The following CA6 variants were observed in gnomAD, a reference collection of about 807,000 sequenced individuals.
CA6 encodes the protein carbonic anhydrase 6.
CA6 carries 28 observed loss-of-function variants against 35.9 expected under a neutral mutation model. That is an observed-to-expected ratio of 0.78 (90% CI 0.58 to 1.07). The LOEUF (loss-of-function observed/expected upper bound fraction) is 1.07, where lower values mean the gene tolerates loss of function less well. CA6 is among the 50% of genes least tolerant of loss of function. The pLI is 0.00. For missense variants in CA6, 377 were observed against 382.0 expected (o/e 0.99, Z 0.11); for synonymous variants, 148 against 152.6 (o/e 0.97, Z 0.22).
intron 2 of CA6, among the ~76,000 whole-genome samples, chr1:8,950,979 C>A (rs1385909712): frequency 6.6e-6 from 1 of 152,032 alleles, no homozygotes; most frequent in Non-Finnish European, 1.5e-5. Flanking sequence ...ACTTTGGGAG[C>A]CCGAGGCAGG....
At chr1:8,961,129 C>A (rs994041035) in intron 4 of CA6, among the ~76,000 whole-genome samples, 2 of 151,946 alleles carry the variant, frequency 1.3e-5, no homozygotes, top group Admixed American at 6.6e-5. Flanking sequence ...GAAGGTGAAA[C>A]AACACATTCC....
intron 7 of CA6, among the ~76,000 whole-genome samples, chr1:8,973,706 C>CTCTCTCTCTT (rs1640166870): frequency 8.8e-6 from 1 of 113,432 alleles, no homozygotes; most frequent in Non-Finnish European, 1.8e-5. Context: ...ATTTTTCTTT[C>CTCTCTCTCTT]TCTCTCTTTC....
chr1:8,952,206 G>A (rs1639557578), intron 2 of CA6: 1 of 152,348 alleles, frequency 6.6e-6, no homozygotes, highest in South Asian at 2.1e-4. Context: ...GCATGATCTT[G>A]GCTCACTGCA....
At chr1:8,969,126 C>T (rs1190844429) in intron 6 of CA6, among the ~76,000 whole-genome samples, 1 of 152,046 alleles carries the variant, frequency 6.6e-6, no homozygotes, top group Admixed American at 6.6e-5. Flanking sequence ...CCAGCCTGGC[C>T]AACATGGTGA....
intron 6 of CA6, among the ~76,000 whole-genome samples, chr1:8,970,357 C>T (rs967269393): frequency 6.6e-6 from 1 of 151,988 alleles, no homozygotes; most frequent in Admixed American, 6.6e-5. Flanking sequence ...AGCTTGTGTG[C>T]AGATACCTGT....
intron 6 of CA6, among the ~76,000 whole-genome samples, chr1:8,969,413 A>G (rs1470605491): frequency 6.6e-6 from 1 of 152,056 alleles, no homozygotes; most frequent in Admixed American, 6.6e-5. Context: ...AACATTATCT[A>G]GAATGCAGCA....
chr1:8,972,632 G>A (rs1376468871), intron 7 of CA6, among the ~76,000 whole-genome samples: 1 of 152,014 alleles, frequency 6.6e-6, no homozygotes, highest in African/African-American at 2.4e-5. Context: ...GCAGTGAGCC[G>A]AGATTGCGCC....
intron 7 of CA6, among the ~76,000 whole-genome samples, chr1:8,973,823 C>T: frequency 7.2e-6 from 1 of 139,740 alleles, no homozygotes; most frequent in African/African-American, 2.7e-5. Flanking sequence ...CTCTCTCTTT[C>T]TTCCTCTCTT....
intron 3 of CA6, among the ~76,000 whole-genome samples, chr1:8,957,918 G>A (rs1212401423): frequency 6.6e-6 from 1 of 151,972 alleles, no homozygotes; most frequent in Non-Finnish European, 1.5e-5. Context: ...TGATCATGCC[G>A]CTGCACTCCA....
At chr1:8,946,810 T>G (rs894050078) in intron 1 of CA6, among the ~76,000 whole-genome samples, 2 of 148,714 alleles carry the variant, frequency 1.3e-5, no homozygotes, top group African/African-American at 2.5e-5. Flanking sequence ...TTTTTGTTTT[T>G]TTTTTTTTTT....
intron 1 of CA6, among the ~76,000 whole-genome samples, chr1:8,948,781 C>A (rs1639437558): frequency 6.6e-6 from 1 of 151,996 alleles, no homozygotes; most frequent in Admixed American, 6.6e-5. Flanking sequence ...ATCAGCCTGG[C>A]CAACATGGTG....
At chr1:8,959,931 CAAA>C (rs373250863) in intron 4 of CA6, among the ~76,000 whole-genome samples, 5 of 75,164 alleles carry the variant, frequency 6.7e-5, no homozygotes, top group African/African-American at 1.4e-4. Flanking sequence ...GATTCTATCT[CAAA>C]AAAAAAAAAA....
At chr1:8,959,315 C>CT (rs869139632) in intron 4 of CA6, among the ~76,000 whole-genome samples, 6,187 of 137,088 alleles carry the variant, frequency 0.045, 205 homozygotes, top group African/African-American at 0.087. Context: ...TCTGCATTTC[C>CT]TTTTTTTTTT....
chr1:8,970,787 C>T, intron 6 of CA6, 80 bp from the exon 7 acceptor site: 5 of 903,022 alleles, frequency 5.5e-6, no homozygotes, highest in South Asian at 5.3e-5. Context: ...AGGCGTGAGC[C>T]ACTGCGCCGG....
In CA6 at chr1:8,947,108, A is replaced by G. The variant is rs146612570; in HGVS notation, c.79+1143A>G. 4.0e-3 allele frequency among the ~76,000 whole-genome samples: 610 copies of G among 152,036 alleles called. 5 individuals carry two copies. Among genetic ancestry groups the G allele is most frequent in the African/African-American group, 0.014 (574 of 41,432 alleles). ...CGTGAGCCACCGCGCCAGGCCCCAA[A>G]CCAGACTTTTAAAATGTGAAATGTA... is the stretch of plus-strand genomic sequence containing the variant. On this transcript the variant is annotated intron_variant, in intron 1 of 7. Coordinates refer to ENST00000377443, the MANE Select transcript of CA6 (RefSeq NM_001215.4).
chr1:8,966,791 A>G (rs192520257), intron 5 of CA6, among the ~76,000 whole-genome samples: 25 of 152,216 alleles, frequency 1.6e-4, no homozygotes, highest in Admixed American at 1.6e-3. Flanking sequence ...TGAATGAAAC[A>G]AGGACCTCTC....
chr1:8,947,653 G>T (rs1178195325), intron 1 of CA6, among the ~76,000 whole-genome samples: 1 of 152,056 alleles, frequency 6.6e-6, no homozygotes, highest in African/African-American at 2.4e-5. Context: ...CTGAGACAGT[G>T]GGCTTCCTGG....
chr1:8,969,388 T>C (rs1364075629), intron 6 of CA6, among the ~76,000 whole-genome samples: 2 of 151,092 alleles, frequency 1.3e-5, no homozygotes, highest in African/African-American at 4.9e-5. Context: ...AATTAGTAAA[T>C]TGGAGACAGC....
chr1:8,947,003 C>A (rs1044107280), intron 1 of CA6, among the ~76,000 whole-genome samples: 1 of 151,876 alleles, frequency 6.6e-6, no homozygotes, highest in African/African-American at 2.4e-5. Context: ...GGGGTTTTAC[C>A]ACGTTGGCCA....
Sources: allele counts gnomAD v4.1 joint callset (sites outside exome capture counted in the v4.1 genomes callset), GRCh38; gene constraint gnomAD v4.1.1; transcripts MANE v1.5; gene names NCBI Gene and HGNC (gene_info 2026-07-23, HGNC 2026-07-21).